Variants in DENND2C observed in about 807,000 individuals in gnomAD.
DENND2C encodes the protein DENN domain-containing protein 2C.
Under a neutral mutation model 112.4 loss-of-function variants are expected in DENND2C, and 72 were observed. That is an observed-to-expected ratio of 0.64 (90% confidence interval 0.53 to 0.78). DENND2C has a LOEUF of 0.78. Among genes scored for constraint, DENND2C ranks in the 30% least tolerant of loss-of-function variants. The probability of loss-of-function intolerance (pLI) is 0.00; values close to 1 mark genes in which losing one functional copy is unlikely to be tolerated. For synonymous variants in DENND2C, 329 were observed against 381.6 expected (o/e 0.86, Z 1.61); for missense variants, 992 against 1,113.8 (o/e 0.89, Z 1.56).
intron 18 of DENND2C, among the ~76,000 whole-genome samples, chr1:114,590,706 A>T (rs170307): frequency 6.7e-6 from 1 of 149,640 alleles, no homozygotes; most frequent in Non-Finnish European, 1.5e-5. Context: ...TGAACCCCGG[A>T]GGGTGGAGCC....
At chr1:114,595,696 G>C in intron 17 of DENND2C, 136 bp downstream of exon 17, 1 of 751,504 alleles carries the variant, frequency 1.3e-6, no homozygotes, top group South Asian at 1.7e-5. Flanking sequence ...TGGCCATGGT[G>C]TCAATTCAAG....
intron 9 of DENND2C, among the ~76,000 whole-genome samples, chr1:114,610,498 G>A (rs1225618718): frequency 2.0e-5 from 3 of 152,078 alleles, no homozygotes; most frequent in Admixed American, 2.0e-4. Flanking sequence ...TCAGGAGTTC[G>A]AGACCAGCTT....
intron 16 of DENND2C, among the ~76,000 whole-genome samples, chr1:114,598,572 G>A (rs1655404911): frequency 6.6e-6 from 1 of 152,148 alleles, no homozygotes; most frequent in African/African-American, 2.4e-5. Context: ...CTAGGGGGCT[G>A]GCACTGATCC....
chr1:114,662,530 C>G (rs1378448463), intron 1 of DENND2C, among the ~76,000 whole-genome samples: 1 of 151,996 alleles, frequency 6.6e-6, no homozygotes, highest in African/African-American at 2.4e-5. Context: ...AGACATTTAA[C>G]TTTAAAAAGT....
At chr1:114,650,673 CAA>C (rs58693255) in intron 2 of DENND2C, among the ~76,000 whole-genome samples, 3 of 61,614 alleles carry the variant, frequency 4.9e-5, no homozygotes, top group South Asian at 7.1e-4. Flanking sequence ...GACTCCGTCT[CAA>C]AAAAAAAAAA....
intron 12 of DENND2C, 26 bp from the exon 13 acceptor site, chr1:114,601,611 A>AC (rs753825012): frequency 1.5e-5 from 24 of 1,598,650 alleles, no homozygotes; most frequent in Non-Finnish European, 2.0e-5. Context: ...AACAACAACA[A>AC]AAAAATCAAG....
At chr1:114,663,630 G>T (rs1657560754) in intron 1 of DENND2C, among the ~76,000 whole-genome samples, 1 of 152,140 alleles carries the variant, frequency 6.6e-6, no homozygotes, top group Admixed American at 6.5e-5. Context: ...GCCAAATTTG[G>T]CCCACTGCCT....
At chr1:114,595,773 A>G in intron 17 of DENND2C, 59 bp downstream of exon 17, 3 of 1,461,152 alleles carry the variant, frequency 2.1e-6, no homozygotes, top group Non-Finnish European at 2.9e-6. Flanking sequence ...TTGTCTGTCC[A>G]ATTATCTACA....
intron 18 of DENND2C, among the ~76,000 whole-genome samples, chr1:114,589,015 C>G (rs1471353499): frequency 1.3e-5 from 2 of 152,040 alleles, no homozygotes; most frequent in African/African-American, 4.8e-5. Flanking sequence ...TTTTATTTTT[C>G]TTTTACAGAG....
chr1:114,647,815 CTT>C (rs891153287), intron 2 of DENND2C, among the ~76,000 whole-genome samples: 2 of 146,866 alleles, frequency 1.4e-5, no homozygotes, highest in Non-Finnish European at 1.5e-5. Flanking sequence ...ACTTTTAACT[CTT>C]TTTTTTTTTG....
intron 8 of DENND2C, among the ~76,000 whole-genome samples, chr1:114,613,698 A>G (rs1655884158): frequency 1.3e-5 from 2 of 152,306 alleles, no homozygotes; most frequent in East Asian, 1.9e-4. Context: ...AAGCCCTTAT[A>G]AAAGATCACT....
At chr1:114,618,347 G>T in intron 8 of DENND2C, 39 bp downstream of exon 8, 2 of 1,387,500 alleles carry the variant, frequency 1.4e-6, no homozygotes, top group South Asian at 2.7e-5. Context: ...CTCATATCCT[G>T]ACAGCTACAG....
At chr1:114,662,889 G>C (rs1443816520) in intron 1 of DENND2C, among the ~76,000 whole-genome samples, 1 of 152,154 alleles carries the variant, frequency 6.6e-6, no homozygotes, top group South Asian at 2.1e-4. Flanking sequence ...GAGCCCAGGG[G>C]TTGGAGGCTG....
Position 114,597,547 on chromosome 1 carries a change from C to T in DENND2C, c.2284-1674G>A, listed in dbSNP as rs962066904. Among the ~76,000 whole-genome samples, 8 of 151,330 alleles carry T rather than the reference C, an allele frequency of 5.3e-5. No homozygotes were observed. In the East Asian group the frequency reaches 1.2e-3, roughly 22 times the overall value. On this transcript the variant is annotated intron_variant, in intron 16 of 20. Transcript: ENST00000393274. ...CTGTAATCCCAGCACTTTGGGAGGC[C>T]GAAGAAGGCAGATCACTTGAGGTCA...
In DENND2C at chr1:114,625,498, T is replaced by A. The variant is rs115115537; in HGVS notation, c.487A>T (p.Asn163Tyr). Residue 163 changes from asparagine (N) to tyrosine (Y), a missense_variant, in exon 4 of 21, where the codon AAT becomes TAT. By Grantham distance (143) the Asn-to-Tyr change is moderately radical. Coordinates refer to ENST00000393274, the MANE Select transcript of DENND2C (RefSeq NM_001256404.2). The stretch of plus-strand genomic sequence containing the variant: ...GAGTCACAATGTTCTAAAGCCAAAT[T>A]TAAGAGTTTATCTGGGGGAAGTGCT... ...IEALPPDKLL[N>Y]LALEHCDSSE... The A allele has an allele frequency of 1.8e-4, 296 of 1,614,120 alleles. 1 individual carries two copies. The African/African-American group carries it at 3.6e-3, about 20-fold the overall frequency.
chr1:114,630,300 C>T (rs1242820785), intron 3 of DENND2C, among the ~76,000 whole-genome samples: 1 of 148,894 alleles, frequency 6.7e-6, no homozygotes, highest in African/African-American at 2.5e-5. Context: ...GAGCGAGATT[C>T]GTTCAAAAAA....
chr1:114,622,057 T>C lies in DENND2C; in HGVS notation c.1065A>G (p.Pro355=). The C allele has an allele frequency of 6.5e-7, 1 of 1,539,316 alleles. No homozygotes were observed. Among genetic ancestry groups the C allele is most frequent in the Middle Eastern group, 1.7e-4 (1 of 5,906 alleles). ...TCTTCCGGTGAAGGAACTGAGGTTT[T>C]GGAGGGAGCTAAAACAGGAGAAGAT... ...KSAFKAPKLP[P]KPQFLHRKTM... Residue 355 remains proline (P), a synonymous_variant, in exon 7 of 21, where the codon CCA becomes CCG. Coordinates refer to ENST00000393274, the MANE Select transcript of DENND2C (RefSeq NM_001256404.2).
intron 8 of DENND2C, 37 bp downstream of exon 8, chr1:114,618,349 C>A (rs1656057791): frequency 1.4e-6 from 2 of 1,391,694 alleles, no homozygotes; most frequent in Non-Finnish European, 2.0e-6. Flanking sequence ...CATATCCTGA[C>A]AGCTACAGGA....
chr1:114,661,685 T>C (rs1019613578), intron 1 of DENND2C, among the ~76,000 whole-genome samples: 1 of 152,218 alleles, frequency 6.6e-6, no homozygotes, highest in South Asian at 2.1e-4. Flanking sequence ...AAAGTCTTAA[T>C]AGTTTTTCTC....
Sources: gnomAD v4.1 joint callset for allele counts (sites outside exome capture counted in the v4.1 genomes callset) on GRCh38, gnomAD v4.1.1 for gene constraint, MANE v1.5 for transcripts, NCBI Gene and HGNC (gene_info 2026-07-23, HGNC 2026-07-21) for gene names.